The following PMVK variants were observed in gnomAD, a reference collection of about 807,000 sequenced individuals.
PMVK encodes phosphomevalonate kinase.
A neutral mutation model predicts 19.0 loss-of-function variants in PMVK; 10 were observed. That is an observed-to-expected ratio of 0.53 (90% CI 0.32 to 0.89). The LOEUF is 0.89. PMVK is among the 40% of genes least tolerant of loss of function. The pLI, the probability that PMVK is intolerant of heterozygous loss-of-function variation, is 0.03. For missense variants in PMVK, 222 were observed against 251.1 expected (o/e 0.88, Z 0.78); for synonymous variants, 108 against 101.6 (o/e 1.06, Z -0.38).
chr1:154,932,396 C>T lies in PMVK; in HGVS notation c.115G>A (p.Ala39Thr), dbSNP rs1212481900. ...AGTGGACCAGAGAGCCGGAGGACAGCACAGACATCAGCTCCAAGTCTGCAG... is the reference window on the plus strand; with the variant it reads ...AGTGGACCAGAGAGCCGGAGGACAGTACAGACATCAGCTCCAAGTCTGCAG... Reference protein sequence around the residue: ...LQSRLGADVCAVLRLSGPLKE... With the variant: ...LQSRLGADVCTVLRLSGPLKE... The change falls in exon 2 of 5, where the codon GCT (alanine) becomes ACT (threonine). Residue 39 changes from alanine (A) to threonine (T), a missense_variant. Transcript: ENST00000368467. 6.8e-6 allele frequency: 11 copies of T among 1,612,336 alleles called. No individual in the cohort carries two copies. The highest frequency in any genetic ancestry group is 8.5e-6 in the Non-Finnish European group (10 of 1,179,082).
chr1:154,925,016 A>C lies in PMVK; in HGVS notation c.*113T>G. 7.2e-6 allele frequency: 4 copies of C among 551,766 alleles called. No individual in the cohort carries two copies. The highest frequency in any genetic ancestry group is 6.3e-5 in the South Asian group (3 of 47,582). 34.2% of individuals were successfully genotyped at this position (551,766 alleles called of 1,614,324 possible). A position where few individuals can be genotyped will look rare whatever the true frequency, so the allele number is the denominator to read the frequency against. On this transcript the variant is annotated 3_prime_UTR_variant, in exon 5 of 5. Transcript: ENST00000368467. ...ATATCCACCAACCCCCTCAGAATCT[A>C]GACCCCCCCTGTCTGTTCCTCACCT...
Position 154,936,705 on chromosome 1 carries a change from A to C in PMVK, c.-20T>G. 3 of 1,584,606 alleles carry C rather than the reference A, an allele frequency of 1.9e-6. No homozygotes were observed. Among genetic ancestry groups the C allele is most frequent in the Non-Finnish European group, 2.6e-6 (3 of 1,163,814 alleles). ...GGCCATGGGGCCGCCACGCCTCGCG[A>C]TGCCTGAAGCTGACACTTCTCCCTA... On this transcript the variant is annotated 5_prime_UTR_variant, in exon 1 of 5. Transcript: ENST00000368467.
chr1:154,930,516 T>G (rs1424939221), intron 2 of PMVK, among the ~76,000 whole-genome samples: 1 of 121,936 alleles, frequency 8.2e-6, no homozygotes, highest in African/African-American at 3.0e-5. Flanking sequence ...TCCTTCTTCC[T>G]CCCGCCCCCC....
chr1:154,932,047 G>A lies in PMVK; in HGVS notation c.159+305C>T, dbSNP rs930966254. 5.9e-5 allele frequency among the ~76,000 whole-genome samples: 9 copies of A among 152,078 alleles called. 1 individual carries two copies. The highest frequency in any genetic ancestry group is 1.9e-4 in the East Asian group (1 of 5,200). On this transcript the variant is annotated intron_variant, in intron 2 of 4. Coordinates refer to ENST00000368467, the MANE Select transcript of PMVK (RefSeq NM_006556.4). The stretch of plus-strand genomic sequence containing the variant: ...CTGTGTCAGGCCAGCTGAGTGAGAG[G>A]GTGGTGTGAGGAGGCACAGGCAGGT...
chr1:154,932,069 A>C (rs1046760351), intron 2 of PMVK, among the ~76,000 whole-genome samples: 1 of 152,166 alleles, frequency 6.6e-6, no homozygotes, highest in Non-Finnish European at 1.5e-5. Flanking sequence ...AGGCACAGGC[A>C]GGTCCTTACT....
At chr1:154,936,909 G>C (rs1326597113), upstream of PMVK, 1 of 551,348 alleles carries the variant, frequency 1.8e-6, no homozygotes, top group African/African-American at 1.9e-5. Context: ...AGAGAAAGGC[G>C]GTTCCTTCAC....
chr1:154,936,416 G>A (rs1183766448), intron 1 of PMVK, 175 bp downstream of exon 1: 2 of 985,298 alleles, frequency 2.0e-6, no homozygotes, highest in Non-Finnish European at 2.4e-6. Flanking sequence ...AGGCTCGCCT[G>A]TGTAGACTAC....
At chr1:154,929,869 C>T (rs2101968767) in intron 2 of PMVK, among the ~76,000 whole-genome samples, 1 of 152,264 alleles carries the variant, frequency 6.6e-6, no homozygotes, top group East Asian at 1.9e-4. Context: ...GATTCTGGCT[C>T]CTCCATGAAC....
At chr1:154,938,919 A>G (rs932722608), upstream of PMVK, among the ~76,000 whole-genome samples, 13 of 151,958 alleles carry the variant, frequency 8.6e-5, no homozygotes, top group African/African-American at 3.1e-4. Context: ...GGGTCTTGCT[A>G]TGTTGGCCAG....
intron 1 of PMVK, among the ~76,000 whole-genome samples, chr1:154,934,357 C>A (rs923676922): frequency 1.3e-5 from 2 of 152,084 alleles, no homozygotes; most frequent in South Asian, 2.1e-4. Flanking sequence ...CTTGCTGTCA[C>A]CCAGGCTAGA....
upstream of PMVK, among the ~76,000 whole-genome samples, chr1:154,940,236 C>T (rs1269402797): frequency 1.3e-5 from 2 of 152,248 alleles, no homozygotes; most frequent in African/African-American, 4.8e-5. Context: ...CTTCAGGTGT[C>T]TGCCTATCCT....
chr1:154,931,442 G>T (rs1006775444), intron 2 of PMVK, among the ~76,000 whole-genome samples: 11 of 151,992 alleles, frequency 7.2e-5, no homozygotes, highest in Non-Finnish European at 1.3e-4. Flanking sequence ...CTATTTTAAC[G>T]ATTCTATTTT....
upstream of PMVK, chr1:154,938,014 T>C (rs1265224604): frequency 6.6e-6 from 1 of 152,170 alleles, no homozygotes; most frequent in Non-Finnish European, 1.5e-5. Context: ...ATGAAGAAAA[T>C]ATATGACAAG....
chr1:154,936,509 T>C, intron 1 of PMVK, 82 bp downstream of exon 1: 1 of 1,534,860 alleles, frequency 6.5e-7, no homozygotes, highest in Non-Finnish European at 8.8e-7. Flanking sequence ...ACTCCAAAGC[T>C]CACTCCGTGA....
upstream of PMVK, chr1:154,936,885 G>T (rs770009500): frequency 1.7e-6 from 1 of 577,300 alleles, no homozygotes; most frequent in African/African-American, 1.9e-5. Flanking sequence ...GGGAGAAAAG[G>T]GTGAGACACG....
In PMVK at chr1:154,929,096, T is replaced by C; in HGVS notation, c.240A>G (p.Gly80=). Residue 80 remains glycine (G), a synonymous_variant, in exon 3 of 5, where the codon GGA becomes GGG. Coordinates refer to ENST00000368467, the MANE Select transcript of PMVK (RefSeq NM_006556.4). ...EAFRKDMIRW[G]EEKRQADPGF... is the part of the protein sequence containing the mutation. The stretch of plus-strand genomic sequence containing the variant: ...CTGGGTCAGCCTGGCGTTTCTCCTC[T>C]CCCCAGCGGATCATGTCCTTCCGAA... 1 of 1,614,122 alleles carries C rather than the reference T, an allele frequency of 6.2e-7. No individual in the cohort carries two copies. The highest frequency in any genetic ancestry group is 8.5e-7 in the Non-Finnish European group (1 of 1,179,974).
chr1:154,925,036 T>C lies in PMVK; in HGVS notation c.*93A>G. The C allele has an allele frequency of 1.1e-6, 1 of 908,994 alleles. No individual in the cohort carries two copies. The highest frequency in any genetic ancestry group is 1.5e-6 in the Non-Finnish European group (1 of 661,010). 56.3% of individuals were successfully genotyped at this position (908,994 alleles called of 1,614,324 possible). ...AATCTAGACCCCCCCTGTCTGTTCC[T>C]CACCTCGGCCAGGATCGGGGGACAC... On this transcript the variant is annotated 3_prime_UTR_variant, in exon 5 of 5. Transcript: ENST00000368467.
intron 2 of PMVK, among the ~76,000 whole-genome samples, chr1:154,930,287 G>A (rs1413229230): frequency 2.0e-5 from 3 of 152,080 alleles, no homozygotes; most frequent in Non-Finnish European, 4.4e-5. Flanking sequence ...GTGAAACCAT[G>A]TCTCTACTAA....
chr1:154,931,649 T>C (rs937092626), intron 2 of PMVK, among the ~76,000 whole-genome samples: 6 of 152,186 alleles, frequency 3.9e-5, no homozygotes, highest in African/African-American at 7.2e-5. Flanking sequence ...ATTTGTTAAA[T>C]AGCCAAATAT....
Sources: allele counts gnomAD v4.1 joint callset (sites outside exome capture counted in the v4.1 genomes callset), GRCh38; gene constraint gnomAD v4.1.1; transcripts MANE v1.5; gene names NCBI Gene and HGNC (gene_info 2026-07-23, HGNC 2026-07-21).